Variants in LRP1B observed in about 807,000 individuals in gnomAD.
The protein encoded by LRP1B is LDL receptor related protein 1B.
A neutral mutation model predicts 556.6 loss-of-function variants in LRP1B; 217 were observed. The observed-to-expected ratio is 0.39, with a 90% CI of 0.35 to 0.44. The LOEUF is 0.44. LRP1B is among the 20% of genes least tolerant of loss of function. LRP1B has a pLI of 1.00. For missense variants in LRP1B, 5,053 were observed against 5,620.8 expected (o/e 0.90, Z 3.23); for synonymous variants, 2,047 against 1,865.8 (o/e 1.10, Z -2.50).
intron 17 of LRP1B, among the ~76,000 whole-genome samples, chr2:140,986,024 C>T (rs988809187): frequency 1.3e-5 from 2 of 150,670 alleles, no homozygotes; most frequent in East Asian, 3.9e-4. Context: ...AATACTATTC[C>T]TATTTATGAA....
chr2:140,359,376 A>C (rs906760742), intron 72 of LRP1B, among the ~76,000 whole-genome samples: 4 of 151,802 alleles, frequency 2.6e-5, no homozygotes, highest in African/African-American at 9.6e-5. Context: ...AACAAACAAA[A>C]ATCCCAACAA....
intron 1 of LRP1B, among the ~76,000 whole-genome samples, chr2:142,048,407 T>TTA: frequency 6.6e-6 from 1 of 152,072 alleles, no homozygotes; most frequent in Non-Finnish European, 1.5e-5. Flanking sequence ...GGACTGATCT[T>TTA]TACTTAGCCT....
chr2:142,002,526 C>T (rs1702684333), intron 1 of LRP1B, among the ~76,000 whole-genome samples: 1 of 151,086 alleles, frequency 6.6e-6, no homozygotes. Context: ...AATTTAAAAT[C>T]TATCTAGTAT....
chr2:140,694,350 C>T (rs1327049176), intron 41 of LRP1B, among the ~76,000 whole-genome samples: 1 of 151,990 alleles, frequency 6.6e-6, no homozygotes, highest in African/African-American at 2.4e-5. Flanking sequence ...TATTTCCCTC[C>T]ATCTTTAATA....
chr2:140,333,296 T>A (rs1307983115), intron 79 of LRP1B, among the ~76,000 whole-genome samples: 1 of 152,084 alleles, frequency 6.6e-6, no homozygotes, highest in Non-Finnish European at 1.5e-5. Flanking sequence ...ATCTCTTACT[T>A]TGCTTTTCTG....
chr2:140,758,208 A>T (rs1219647346), intron 35 of LRP1B, among the ~76,000 whole-genome samples: 1 of 152,126 alleles, frequency 6.6e-6, no homozygotes, highest in Non-Finnish European at 1.5e-5. Context: ...GCTAATCCAC[A>T]TAATATAATG....
chr2:140,987,855 G>T (rs533554823), intron 17 of LRP1B, among the ~76,000 whole-genome samples: 1 of 151,978 alleles, frequency 6.6e-6, no homozygotes, highest in African/African-American at 2.4e-5. Flanking sequence ...ATGGTGGTGT[G>T]TGCCTGTAGT....
At chr2:140,636,245 A>G (rs942059678) in intron 41 of LRP1B, among the ~76,000 whole-genome samples, 6 of 152,228 alleles carry the variant, frequency 3.9e-5, no homozygotes, top group Admixed American at 1.3e-4. Context: ...AGCTTCTTGA[A>G]CCCTTAGCAT....
At chr2:142,013,682 A>G (rs1281229833) in intron 1 of LRP1B, among the ~76,000 whole-genome samples, 1 of 152,146 alleles carries the variant, frequency 6.6e-6, no homozygotes, top group African/African-American at 2.4e-5. Context: ...GAATGGAACT[A>G]TTTCAGAAAT....
At chr2:141,607,516 T>C (rs1687960189) in intron 2 of LRP1B, among the ~76,000 whole-genome samples, 1 of 152,198 alleles carries the variant, frequency 6.6e-6, no homozygotes, top group Non-Finnish European at 1.5e-5. Flanking sequence ...CCTCATCTTA[T>C]TTTCACTGTA....
chr2:141,639,850 C>A (rs2105362474), intron 2 of LRP1B, among the ~76,000 whole-genome samples: 1 of 152,160 alleles, frequency 6.6e-6, no homozygotes, highest in East Asian at 1.9e-4. Context: ...TTTCTGCAAC[C>A]CCCACAACCT....
In LRP1B at chr2:140,487,134, T is replaced by C. The variant is rs146775466; in HGVS notation, c.9243+483A>G. ...ACACATGACAGAACTGTGACAGAAA[T>C]GTGATCCTCTCCAATCAGGACGTTC... On this transcript the variant is annotated intron_variant, in intron 58 of 90. Coordinates refer to ENST00000389484, the MANE Select transcript of LRP1B (RefSeq NM_018557.3). Among the ~76,000 whole-genome samples, 358 of 151,956 alleles carry C rather than the reference T, an allele frequency of 2.4e-3. 1 individual carries two copies. The highest frequency in any genetic ancestry group is 8.0e-3 in the African/African-American group (332 of 41,528).
chr2:141,505,344 C>T (rs1055711519), intron 2 of LRP1B, among the ~76,000 whole-genome samples: 2 of 152,206 alleles, frequency 1.3e-5, no homozygotes, highest in African/African-American at 2.4e-5. Flanking sequence ...TCTAGGGCCT[C>T]GTCTTTCTCA....
At chr2:141,210,430 A>T (rs1047508302) in intron 6 of LRP1B, among the ~76,000 whole-genome samples, 1 of 152,176 alleles carries the variant, frequency 6.6e-6, no homozygotes, top group Non-Finnish European at 1.5e-5. Flanking sequence ...TCACTTTTCT[A>T]TCTTTACTTC....
rs141184567 is a variant in LRP1B, at chr2:141,739,355, T to C, written c.205+70924A>G. ...AACCAAACAATACTTAAACCCAAAA[T>C]AAATAAATGAATAAATAAGCACACA... On this transcript the variant is annotated intron_variant, in intron 2 of 90. Coordinates refer to ENST00000389484, the MANE Select transcript of LRP1B (RefSeq NM_018557.3). 7.4e-3 allele frequency among the ~76,000 whole-genome samples: 1,132 copies of C among 152,038 alleles called. 15 individuals carry two copies. Among genetic ancestry groups the C allele is most frequent in the African/African-American group, 0.026 (1,090 of 41,488 alleles).
At chr2:140,973,061 T>C (rs998573403) in intron 18 of LRP1B, among the ~76,000 whole-genome samples, 7 of 133,778 alleles carry the variant, frequency 5.2e-5, no homozygotes, top group African/African-American at 2.3e-4. Flanking sequence ...TTTATATATA[T>C]ATATATATAT....
At position 140,580,368 on chromosome 2, in the gene LRP1B, C is replaced by T. The variant is rs76218720; in HGVS notation, c.7194+18263G>A. Among the ~76,000 whole-genome samples, 1,010 of 152,206 alleles carry T rather than the reference C, an allele frequency of 6.6e-3. 9 individuals carry two copies. The highest frequency in any genetic ancestry group is 0.022 in the African/African-American group (930 of 41,546). On this transcript the variant is annotated intron_variant, in intron 43 of 90. Coordinates refer to ENST00000389484, the MANE Select transcript of LRP1B (RefSeq NM_018557.3). Reference sequence around the variant, plus strand: ...TACAAAGAACTAGGAGAACAGATGACCACACAAATCATTAAAAGGCCCTGT... The same window carrying T: ...TACAAAGAACTAGGAGAACAGATGATCACACAAATCATTAAAAGGCCCTGT...
At chr2:140,898,085 G>A (rs1352862314) in intron 23 of LRP1B, among the ~76,000 whole-genome samples, 2 of 152,124 alleles carry the variant, frequency 1.3e-5, no homozygotes, top group African/African-American at 2.4e-5. Context: ...TAACCTGGGG[G>A]AAGCAATGCT....
intron 21 of LRP1B, among the ~76,000 whole-genome samples, chr2:140,914,928 G>A (rs549857257): frequency 2.6e-5 from 4 of 152,138 alleles, no homozygotes; most frequent in Admixed American, 6.5e-5. Context: ...CATTCTACCA[G>A]TTATTACTAT....
Sources: allele counts gnomAD v4.1 joint callset (sites outside exome capture counted in the v4.1 genomes callset), GRCh38; gene constraint gnomAD v4.1.1; transcripts MANE v1.5; gene names NCBI Gene and HGNC (gene_info 2026-07-23, HGNC 2026-07-21).